The following ROR2 variants were observed in gnomAD, a reference collection of about 807,000 sequenced individuals.
The protein encoded by ROR2 is ROR family WNT receptor 2.
In ROR2, 33 loss-of-function variants were observed where a neutral mutation model predicts 74.9. The ratio of observed to expected loss-of-function variants is 0.44; its 90% CI spans 0.33 to 0.59. The LOEUF is 0.59. Among genes scored for constraint, ROR2 ranks in the 20% least tolerant of loss-of-function variants. ROR2 has a pLI of 0.02. For missense variants in ROR2, 1,216 were observed against 1,313.8 expected, an observed-to-expected ratio of 0.93 and a Z score of 1.15; for synonymous variants, 586 against 558.7, an observed-to-expected ratio of 1.05 and a Z score of -0.69.
At chr9:91,759,007 T>C (rs554471045) in intron 2 of ROR2, among the ~76,000 whole-genome samples, 17 of 152,264 alleles carry the variant, frequency 1.1e-4, no homozygotes, top group Non-Finnish European at 2.2e-4. Context: ...AATCTGAAAA[T>C]GACTTCAAAA....
intron 1 of ROR2, among the ~76,000 whole-genome samples, chr9:91,805,526 C>G (rs1443983648): frequency 6.6e-6 from 1 of 152,192 alleles, no homozygotes; most frequent in Middle Eastern, 3.2e-3. Context: ...AGGCTGCTCC[C>G]CCTAGCCGGA....
At chr9:91,855,082 T>G (rs905723082) in intron 1 of ROR2, among the ~76,000 whole-genome samples, 2 of 152,144 alleles carry the variant, frequency 1.3e-5, no homozygotes, top group Non-Finnish European at 2.9e-5. Flanking sequence ...AACATAAAAT[T>G]TAACTTAATT....
chr9:91,812,293 A>G (rs1827778470), intron 1 of ROR2, among the ~76,000 whole-genome samples: 1 of 152,192 alleles, frequency 6.6e-6, no homozygotes, highest in Non-Finnish European at 1.5e-5. Context: ...GATGCAGAAG[A>G]AAACGGGCGG....
intron 1 of ROR2, among the ~76,000 whole-genome samples, chr9:91,852,183 C>T (rs1032769761): frequency 2.6e-5 from 4 of 152,036 alleles, no homozygotes; most frequent in Non-Finnish European, 4.4e-5. Context: ...CTAAGTTGGT[C>T]CTGAATCCTC....
intron 1 of ROR2, among the ~76,000 whole-genome samples, chr9:91,802,641 T>C (rs1224500719): frequency 6.6e-6 from 1 of 151,940 alleles, no homozygotes; most frequent in Non-Finnish European, 1.5e-5. Flanking sequence ...GGGCAAGGCT[T>C]ACAAAACTCC....
chr9:91,765,736 A>G (rs1826040868), intron 2 of ROR2, among the ~76,000 whole-genome samples: 1 of 152,144 alleles, frequency 6.6e-6, no homozygotes, highest in African/African-American at 2.4e-5. Flanking sequence ...TTCACAGGTA[A>G]GCTTGTCAAC....
At chr9:91,824,498 A>T (rs1225974898) in intron 1 of ROR2, among the ~76,000 whole-genome samples, 2 of 152,218 alleles carry the variant, frequency 1.3e-5, no homozygotes, top group African/African-American at 2.4e-5. Context: ...CAACAGGTCT[A>T]CTTCATAGTG....
rs117670467 is a variant in ROR2 at position 91,846,219 on chromosome 9, C to G, written c.98-70401G>C. 6.6e-3 allele frequency among the ~76,000 whole-genome samples: 998 copies of G among 152,318 alleles called. 3 individuals carry two copies. The highest frequency in any genetic ancestry group is 0.01 in the Non-Finnish European group (707 of 68,030). ...TTACAGGCTTTGCCATGGACTGAGG[C>G]GTGTCCCCACAAAATATGTCAAAGC... On this transcript the variant is annotated intron_variant, in intron 1 of 8. Transcript: ENST00000375708.
intron 1 of ROR2, among the ~76,000 whole-genome samples, chr9:91,872,291 G>A (rs1587807000): frequency 6.6e-6 from 1 of 152,040 alleles, no homozygotes; most frequent in South Asian, 2.1e-4. Flanking sequence ...AAACACACTC[G>A]GAGTTACACT....
At chr9:91,823,548 A>G (rs1828198148) in intron 1 of ROR2, among the ~76,000 whole-genome samples, 1 of 151,912 alleles carries the variant, frequency 6.6e-6, no homozygotes, top group Admixed American at 6.6e-5. Flanking sequence ...AGCCTCCCCA[A>G]GTGCTGGGAT....
At position 91,726,562 on chromosome 9, in the gene ROR2, G is replaced by T; in HGVS notation, c.1365C>A (p.Pro455=). ...MASPSQDMEM[P]LINQHKQAKL... is the part of the protein sequence containing the mutation. ...AGACCTGTTTGTGCTGGTTAATGAG[G>T]GGCATTTCCATGTCTTGGCTGGGCG... Residue 455 remains proline (P), a synonymous_variant, in exon 8 of 9, where the codon CCC becomes CCA. Coordinates refer to ENST00000375708, the MANE Select transcript of ROR2 (RefSeq NM_004560.4). The T allele has an allele frequency of 6.2e-7, 1 of 1,612,630 alleles. No homozygotes were observed. The highest frequency in any genetic ancestry group is 1.1e-5 in the South Asian group (1 of 91,014).
At chr9:91,872,055 G>A (rs1829814175) in intron 1 of ROR2, among the ~76,000 whole-genome samples, 1 of 152,136 alleles carries the variant, frequency 6.6e-6, no homozygotes, top group Non-Finnish European at 1.5e-5. Context: ...TCTAAATTGT[G>A]CAGTAGTGTT....
rs1427941782 is a variant in ROR2, at chr9:91,950,149, G to C, written c.-186C>G. 2.6e-6 allele frequency: 1 copy of C among 387,040 alleles called. No homozygotes were observed. Among genetic ancestry groups the C allele is most frequent in the South Asian group, 6.7e-5 (1 of 14,834 alleles). The allele number at this position is 387,040 out of a possible 1,614,324, so 24.0% of individuals were successfully genotyped here. ...GGATGCGCCGCTCGGCTCCGGCCAC[G>C]GCAAGGGCTGGCTGGGGAGGTTCCT... On this transcript the variant is annotated 5_prime_UTR_variant, in exon 1 of 9. Transcript: ENST00000375708.
chr9:91,858,873 C>T (rs1484737971), intron 1 of ROR2, among the ~76,000 whole-genome samples: 1 of 152,096 alleles, frequency 6.6e-6, no homozygotes, highest in East Asian at 1.9e-4. Context: ...AGCAGCTCGC[C>T]CAAGATCATG....
chr9:91,741,713 GC>G (rs1483373708), intron 4 of ROR2, among the ~76,000 whole-genome samples: 1 of 152,168 alleles, frequency 6.6e-6, no homozygotes. Context: ...TAAATGGGCT[GC>G]CTGCCTAGGT....
At chr9:91,731,198 A>C in intron 6 of ROR2, 43 bp from the exon 7 acceptor site, 1 of 1,612,970 alleles carries the variant, frequency 6.2e-7, no homozygotes, top group Non-Finnish European at 8.5e-7. Flanking sequence ...GGGGTACAAC[A>C]AAACCATTCT....
intron 4 of ROR2, among the ~76,000 whole-genome samples, chr9:91,741,447 C>T: frequency 6.6e-6 from 1 of 151,706 alleles, no homozygotes; most frequent in East Asian, 1.9e-4. Flanking sequence ...GCTCCTCCAC[C>T]AAGACTGGCA....
At chr9:91,867,811 G>A (rs763467278) in intron 1 of ROR2, among the ~76,000 whole-genome samples, 2 of 152,104 alleles carry the variant, frequency 1.3e-5, no homozygotes, top group Non-Finnish European at 2.9e-5. Flanking sequence ...GAGCACTATA[G>A]AGGCTTTGAA....
At chr9:91,845,043 A>C (rs1245425074) in intron 1 of ROR2, among the ~76,000 whole-genome samples, 2 of 152,218 alleles carry the variant, frequency 1.3e-5, no homozygotes, top group African/African-American at 4.8e-5. Flanking sequence ...CCAGCAGAGA[A>C]AGTTACGGTG....
Sources: allele counts gnomAD v4.1 joint callset (sites outside exome capture counted in the v4.1 genomes callset), GRCh38; gene constraint gnomAD v4.1.1; transcripts MANE v1.5; gene names NCBI Gene and HGNC (gene_info 2026-07-23, HGNC 2026-07-21).